The following POLE2 variants were observed in gnomAD, a reference collection of about 807,000 sequenced individuals.
POLE2 encodes the protein DNA polymerase epsilon subunit 2.
POLE2 carries 56 observed loss-of-function variants against 79.4 expected under a neutral mutation model. The observed-to-expected ratio is 0.71, with a 90% CI of 0.57 to 0.88. POLE2 has a LOEUF of 0.88. Ranked by LOEUF, POLE2 falls within the 40% of genes least tolerant of loss-of-function variation. The pLI is 0.00. For missense variants in POLE2, 598 were observed against 638.9 expected (o/e 0.94, Z 0.69); for synonymous variants, 212 against 214.0 (o/e 0.99, Z 0.08).
At chr14:49,650,229 TA>T in intron 17 of POLE2, 35 bp downstream of exon 17, 4 of 1,150,970 alleles carry the variant, frequency 3.5e-6, no homozygotes, top group Non-Finnish European at 4.8e-6. Flanking sequence ...CTAATCTTGA[TA>T]AATAATGACT....
chr14:49,662,709 T>G (rs972735718), intron 10 of POLE2, among the ~76,000 whole-genome samples: 2 of 152,242 alleles, frequency 1.3e-5, no homozygotes, highest in African/African-American at 4.8e-5. Flanking sequence ...CTAGTTTTTA[T>G]ACACTGGAAA....
chr14:49,677,713 C>A, intron 3 of POLE2: 1 of 1,384,800 alleles, frequency 7.2e-7, no homozygotes, highest in Non-Finnish European at 9.8e-7. Flanking sequence ...ACAGTGTGGC[C>A]CTTGCTGTGC....
chr14:49,688,071 G>A, intron 1 of POLE2, 65 bp downstream of exon 1: 1 of 1,320,982 alleles, frequency 7.6e-7, no homozygotes, highest in Non-Finnish European at 1.1e-6. Flanking sequence ...GCGTCCCGCT[G>A]CCGCACCAGG....
chr14:49,647,303 C>T lies in POLE2; in HGVS notation c.1555G>A (p.Val519Ile). The change falls in exon 18 of 19, where the codon GTA (valine) becomes ATA (isoleucine). Residue 519 changes from valine to isoleucine, a missense_variant. Transcript: ENST00000216367. ...FKVFYPSNKT[V>I]EDSKLQGF is the part of the protein sequence containing the mutation. ...TGTGCACACACTTACCTATCTTCTA[C>T]TGTCTTATTAGAAGGATAAAAAACT... The T allele has an allele frequency of 6.5e-7, 1 of 1,539,650 alleles. No homozygotes were observed. Among genetic ancestry groups the T allele is most frequent in the Admixed American group, 1.8e-5 (1 of 54,530 alleles).
rs767001800 is a variant in POLE2 at position 49,669,605 on chromosome 14, AAAAG to A, written c.418-11_418-8del. On this transcript the variant is annotated splice_region_variant and splice_polypyrimidine_tract_variant and intron_variant, in intron 5 of 18. Transcript: ENST00000216367. ...ATTCATGCCTGTGGGTCCTCTATAA[AAAAG>A]AAAGATTCACATGAATTCCTGAAAC... The A allele has an allele frequency of 8.1e-6, 12 of 1,483,260 alleles. No homozygotes were observed. Among genetic ancestry groups the A allele is most frequent in the Non-Finnish European group, 1.1e-5 (12 of 1,062,738 alleles). The allele number at this position is 1,483,260 out of a possible 1,614,324, so 91.9% of individuals were successfully genotyped here. A position where few individuals can be genotyped will look rare whatever the true frequency, so the allele number is the denominator to read the frequency against.
At chr14:49,672,231 G>A (rs1885947323) in intron 5 of POLE2, among the ~76,000 whole-genome samples, 1 of 152,176 alleles carries the variant, frequency 6.6e-6, no homozygotes, top group South Asian at 2.1e-4. Context: ...TACATATTAA[G>A]GATAATCTGC....
Position 49,666,316 on chromosome 14 carries a change from G to A in POLE2, c.576+14C>T. On this transcript the variant is annotated intron_variant, in intron 7 of 18. Transcript: ENST00000216367. Reference sequence around the variant, plus strand: ...CCAAGGCCAAAAATAAAAGTTTGATGCTTATTAAGTTACCTCTTTTAACTG... The same window carrying A: ...CCAAGGCCAAAAATAAAAGTTTGATACTTATTAAGTTACCTCTTTTAACTG... The A allele has an allele frequency of 4.9e-6, 7 of 1,418,784 alleles. No individual in the cohort carries two copies. The highest frequency in any genetic ancestry group is 2.9e-5 in the African/African-American group (2 of 67,964). 87.9% of individuals were successfully genotyped at this position (1,418,784 alleles called of 1,614,324 possible). A position where few individuals can be genotyped will look rare whatever the true frequency, so the allele number is the denominator to read the frequency against.
At position 49,687,463 on chromosome 14, in the gene POLE2, A is replaced by G. The variant is rs371215210; in HGVS notation, c.68+673T>C. On this transcript the variant is annotated intron_variant, in intron 1 of 18. Transcript: ENST00000216367. ...AACCTGACTTTCACATAAATTGGCA[A>G]CTGCAGACGTGCAAGTGGGCTTTCT... Among the ~76,000 whole-genome samples, 14 of 152,134 alleles carry G rather than the reference A, an allele frequency of 9.2e-5. No individual in the cohort carries two copies. In the East Asian group the frequency reaches 2.7e-3, roughly 29 times the overall value.
At chr14:49,649,340 G>A (rs1594625476) in intron 17 of POLE2, among the ~76,000 whole-genome samples, 1 of 151,412 alleles carries the variant, frequency 6.6e-6, no homozygotes, top group South Asian at 2.1e-4. Flanking sequence ...TAGAGACGGG[G>A]TTGCACCATG....
chr14:49,648,784 CTT>C (rs1197060601), intron 17 of POLE2, among the ~76,000 whole-genome samples: 1 of 152,190 alleles, frequency 6.6e-6, no homozygotes, highest in Non-Finnish European at 1.5e-5. Context: ...TAAGCCATGT[CTT>C]AGAAGAAGCT....
chr14:49,669,066 G>C (rs1468796298), intron 6 of POLE2, among the ~76,000 whole-genome samples: 1 of 152,116 alleles, frequency 6.6e-6, no homozygotes, highest in Non-Finnish European at 1.5e-5. Flanking sequence ...TGTTTCCTTA[G>C]TACCTTAAGT....
chr14:49,673,985 A>G (rs1367629240), intron 5 of POLE2, 138 bp downstream of exon 5: 4 of 675,456 alleles, frequency 5.9e-6, no homozygotes, highest in Admixed American at 4.6e-5. Flanking sequence ...AGAAATCTTA[A>G]TAACAGTTTA....
Position 49,655,056 on chromosome 14 carries a change from C to T in POLE2, c.967G>A (p.Gly323Ser). 1 of 1,575,674 alleles carries T rather than the reference C, an allele frequency of 6.3e-7. No individual in the cohort carries two copies. Among genetic ancestry groups the T allele is most frequent in the South Asian group, 1.2e-5 (1 of 84,454 alleles). The stretch of plus-strand genomic sequence containing the variant: ...CCATATGGTGCAGATGAAAAATTAC[C>T]ACACAGAATAAAGCAGGTTGGAGGT... ...PAPPTCFILCGNFSSAPYGKN... is the reference protein window; with the variant it reads ...PAPPTCFILCSNFSSAPYGKN... Residue 323 changes from glycine to serine, a missense_variant, in exon 12 of 19, where the codon GGT becomes AGT. Gly to Ser is a moderately conservative substitution (Grantham distance 56). Transcript: ENST00000216367.
At chr14:49,683,355 T>C (rs1011600194) in intron 2 of POLE2, among the ~76,000 whole-genome samples, 44 of 151,182 alleles carry the variant, frequency 2.9e-4, no homozygotes, top group African/African-American at 1.0e-3. Context: ...TGAGCCAAGA[T>C]AGCGCCATTG....
At chr14:49,679,849 G>A in intron 2 of POLE2, 49 bp from the exon 3 acceptor site, 1 of 1,009,360 alleles carries the variant, frequency 9.9e-7, no homozygotes, top group African/African-American at 1.6e-5. Flanking sequence ...AAAAAAAATA[G>A]TTCTTTCCAC....
intron 3 of POLE2, chr14:49,677,940 A>G (rs946517845): frequency 3.4e-6 from 1 of 298,496 alleles, no homozygotes; most frequent in Non-Finnish European, 6.2e-6. Flanking sequence ...TGCCTTGGAA[A>G]GAGGCTCCCA....
chr14:49,660,887 G>A (rs548438972), intron 10 of POLE2, among the ~76,000 whole-genome samples: 43 of 152,212 alleles, frequency 2.8e-4, no homozygotes, highest in African/African-American at 7.9e-4. Flanking sequence ...GCAAAACTCC[G>A]TCTTAAAAAA....
intron 18 of POLE2, 111 bp from the exon 19 acceptor site, chr14:49,643,781 C>T: frequency 2.1e-6 from 1 of 487,476 alleles, no homozygotes; most frequent in Non-Finnish European, 3.7e-6. Flanking sequence ...AAAAACAGGT[C>T]AATACATACA....
In POLE2 at chr14:49,674,193, G is replaced by T. The variant is rs751780432; in HGVS notation, c.347C>A (p.Ala116Glu). ...TCTTGGTGTTCCAAATAAATTTGGTGCAGGGTGGTTGGTCATTAACAGACT... is the reference window on the plus strand; with the variant it reads ...TCTTGGTGTTCCAAATAAATTTGGTTCAGGGTGGTTGGTCATTAACAGACT... ...FLPLLMTNHPAPNLFGTPRDK... is the reference protein window; with the variant it reads ...FLPLLMTNHPEPNLFGTPRDK... Residue 116 changes from alanine to glutamate, a missense_variant, in exon 5 of 19, where the codon GCA (alanine) becomes GAA (glutamate). Transcript: ENST00000216367. 6.2e-7 allele frequency: 1 copy of T among 1,612,478 alleles called. No individual in the cohort carries two copies. Among genetic ancestry groups the T allele is most frequent in the Admixed American group, 1.7e-5 (1 of 60,010 alleles).
Sources: gnomAD v4.1 joint callset for allele counts (sites outside exome capture counted in the v4.1 genomes callset) on GRCh38, gnomAD v4.1.1 for gene constraint, MANE v1.5 for transcripts, NCBI Gene and HGNC (gene_info 2026-07-23, HGNC 2026-07-21) for gene names.